The following DDAH1 variants were observed in gnomAD, a reference collection of about 807,000 sequenced individuals.
DDAH1 encodes the protein dimethylarginine dimethylaminohydrolase 1, also known as N(G),N(G)-dimethylarginine dimethylaminohydrolase 1.
Under a neutral mutation model 28.8 loss-of-function variants are expected in DDAH1, and 19 were observed. The ratio of observed to expected loss-of-function variants is 0.66; its 90% CI spans 0.46 to 0.97. The LOEUF (loss-of-function observed/expected upper bound fraction) is 0.97. DDAH1 is among the 50% of genes least tolerant of loss of function. DDAH1 has a pLI of 0.00. For synonymous variants in DDAH1, 153 were observed against 154.4 expected, an observed-to-expected ratio of 0.99 and a Z score of 0.07; for missense variants, 326 against 375.9, an observed-to-expected ratio of 0.87 and a Z score of 1.10.
chr1:85,426,132 C>T (rs1004385665), intron 1 of DDAH1, among the ~76,000 whole-genome samples: 2 of 152,116 alleles, frequency 1.3e-5, no homozygotes, highest in African/African-American at 2.4e-5. Context: ...CAGTAAAAGC[C>T]ATCATCACCA....
chr1:85,322,001 C>T (rs1452796564), intron 5 of DDAH1, among the ~76,000 whole-genome samples: 2 of 152,164 alleles, frequency 1.3e-5, no homozygotes, highest in African/African-American at 4.8e-5. Context: ...GCAGCCTCAA[C>T]TTCCCAGGCT....
At chr1:85,443,850 T>C (rs1176647486) in intron 1 of DDAH1, among the ~76,000 whole-genome samples, 1 of 152,224 alleles carries the variant, frequency 6.6e-6, no homozygotes. Flanking sequence ...CTTGTGATTT[T>C]TGCACATTGA....
Position 85,491,043 on chromosome 1 carries a change from A to ACTCTTTTTTTTTTTTTTTTTT in DDAH1, c.-7+5122_-7+5123insAAAAAAAAAAAAAAAAAAGAG, listed in dbSNP as rs1557686884. ...TCTTCTAATGACAACAGTAACATGT[A>ACTCTTTTTTTTTTTTTTTTTT]TTCTTTTTTTTTTTTTTTTTTTTGA... On this transcript the variant is annotated intron_variant, in intron 2 of 6. Coordinates refer to the DDAH1 transcript ENST00000426972. 2.9e-4 allele frequency among the ~76,000 whole-genome samples: 23 copies of ACTCTTTTTTTTTTTTTTTTTT among 79,340 alleles called. 11 individuals carry two copies. Among genetic ancestry groups the ACTCTTTTTTTTTTTTTTTTTT allele is most frequent in the Non-Finnish European group, 2.8e-4 (12 of 42,166 alleles). 52.1% of individuals were successfully genotyped at this position (79,340 alleles called of 152,430 possible).
intron 1 of DDAH1, among the ~76,000 whole-genome samples, chr1:85,551,575 C>T (rs79073958): frequency 0.074 from 11,278 of 152,280 alleles, 478 homozygotes; most frequent in East Asian, 0.16. Context: ...TCACCTACTC[C>T]GTGCTAGGGC....
At chr1:85,326,548 T>A (rs147987866) in intron 4 of DDAH1, among the ~76,000 whole-genome samples, 2 of 152,368 alleles carry the variant, frequency 1.3e-5, no homozygotes, top group African/African-American at 4.8e-5. Flanking sequence ...AAACGTTTCT[T>A]AATCATCTCA....
intron 1 of DDAH1, among the ~76,000 whole-genome samples, chr1:85,406,179 G>A (rs1652395894): frequency 6.6e-6 from 1 of 152,184 alleles, no homozygotes; most frequent in South Asian, 2.1e-4. Context: ...AACCAGGCCT[G>A]TCCAATTCCA....
intron 1 of DDAH1, among the ~76,000 whole-genome samples, chr1:85,436,388 A>G (rs1174591970): frequency 6.6e-6 from 1 of 152,220 alleles, no homozygotes; most frequent in Non-Finnish European, 1.5e-5. Context: ...AACAAGACAA[A>G]GAGAACATGG....
At chr1:85,396,106 A>G (rs943691749) in intron 1 of DDAH1, among the ~76,000 whole-genome samples, 2 of 152,148 alleles carry the variant, frequency 1.3e-5, no homozygotes, top group African/African-American at 2.4e-5. Context: ...TGGCTAAATG[A>G]GTATTATATT....
Position 85,320,497 on chromosome 1 carries a change from G to A in DDAH1, c.*955C>T, listed in dbSNP as rs1216852547. On this transcript the variant is annotated 3_prime_UTR_variant, in exon 6 of 6. Coordinates refer to ENST00000284031, the MANE Select transcript of DDAH1 (RefSeq NM_012137.4). ...GGAAATACGGTGAGTCAGGGTAGGTGGAAACAGAAATGAGTAGAAGGAAAA... is the reference window on the plus strand; with the variant it reads ...GGAAATACGGTGAGTCAGGGTAGGTAGAAACAGAAATGAGTAGAAGGAAAA... 2 of 151,668 alleles carry A rather than the reference G, an allele frequency of 1.3e-5. No individual in the cohort carries two copies. The highest frequency in any genetic ancestry group is 4.9e-5 in the African/African-American group (2 of 40,988). 9.4% of individuals were successfully genotyped at this position (151,668 alleles called of 1,614,324 possible).
intron 1 of DDAH1, among the ~76,000 whole-genome samples, chr1:85,540,563 G>C (rs554170068): frequency 6.6e-6 from 1 of 152,252 alleles, no homozygotes; most frequent in East Asian, 1.9e-4. Flanking sequence ...TCAAGACCTA[G>C]ACTATAATTC....
intron 1 of DDAH1, among the ~76,000 whole-genome samples, chr1:85,521,195 A>G (rs1209708867): frequency 5.3e-5 from 8 of 151,532 alleles, no homozygotes; most frequent in Non-Finnish European, 1.2e-4. Context: ...GCAAGACTCA[A>G]CCTATGTTCT....
intron 2 of DDAH1, among the ~76,000 whole-genome samples, chr1:85,353,461 G>A (rs960211803): frequency 2.0e-5 from 3 of 152,008 alleles, no homozygotes; most frequent in African/African-American, 4.8e-5. Context: ...GTGATGTTAC[G>A]ACAATATCCA....
At chr1:85,409,007 G>GTAA (rs1367465910) in intron 1 of DDAH1, among the ~76,000 whole-genome samples, 1 of 152,152 alleles carries the variant, frequency 6.6e-6, no homozygotes, top group Non-Finnish European at 1.5e-5. Context: ...CATTCCCACA[G>GTAA]TAACTGATAG....
Position 85,321,401 on chromosome 1 carries a change from C to A in DDAH1, c.*51G>T. On this transcript the variant is annotated 3_prime_UTR_variant, in exon 6 of 6. Coordinates refer to ENST00000284031, the MANE Select transcript of DDAH1 (RefSeq NM_012137.4). ...AAAACAACAGGAGTGGGCACAGAGT[C>A]ATCGGCCTTGCCTGTGCGGTCTTGC... The A allele has an allele frequency of 2.6e-6, 3 of 1,148,724 alleles. No homozygotes were observed. The highest frequency in any genetic ancestry group is 2.5e-5 in the South Asian group (2 of 81,290). The allele number at this position is 1,148,724 out of a possible 1,614,324, so 71.2% of individuals were successfully genotyped here. A position where few individuals can be genotyped will look rare whatever the true frequency, so the allele number is the denominator to read the frequency against.
Position 85,393,237 on chromosome 1 carries a change from T to C in DDAH1, c.304-34390A>G, listed in dbSNP as rs148394666. 2.0e-3 allele frequency among the ~76,000 whole-genome samples: 304 copies of C among 152,310 alleles called. 4 individuals carry two copies. The highest frequency in any genetic ancestry group is 0.018 in the Admixed American group (278 of 15,304). ...TAAAATACCCCTCTGAAGGAGATAT[T>C]ATTACCTCTAGTGTACAGATCAGGA... On this transcript the variant is annotated intron_variant, in intron 1 of 5. Transcript: ENST00000284031.
At chr1:85,488,430 T>G (rs562080) in intron 2 of DDAH1, 62,776 of 151,850 alleles carry the variant, frequency 0.41, 14,718 homozygotes, top group Non-Finnish European at 0.55. Context: ...TTCTGGCATC[T>G]AATCTTATAA....
Position 85,427,457 on chromosome 1 carries a change from T to G in DDAH1, c.303+37286A>C, listed in dbSNP as rs182201543. ...AGTTAAGGAACTTTGTTTAGGATTT[T>G]TATTCCAACTGGTTCATATGGTAAC... On this transcript the variant is annotated intron_variant, in intron 1 of 5. Coordinates refer to ENST00000284031, the MANE Select transcript of DDAH1 (RefSeq NM_012137.4). Among the ~76,000 whole-genome samples, 90 of 152,340 alleles carry G rather than the reference T, an allele frequency of 5.9e-4. No homozygotes were observed. The East Asian group carries it at 0.016, about 28-fold the overall frequency.
At chr1:85,442,944 A>G (rs1470016083) in intron 1 of DDAH1, among the ~76,000 whole-genome samples, 4 of 152,184 alleles carry the variant, frequency 2.6e-5, no homozygotes, top group African/African-American at 9.7e-5. Flanking sequence ...TCAGATGGGT[A>G]GATTGCAAAA....
chr1:85,357,555 A>G (rs1649552743), intron 2 of DDAH1, among the ~76,000 whole-genome samples: 1 of 152,244 alleles, frequency 6.6e-6, no homozygotes, highest in South Asian at 2.1e-4. Flanking sequence ...TTGACTATAC[A>G]TATATATGAG....
Sources: allele counts gnomAD v4.1 joint callset (sites outside exome capture counted in the v4.1 genomes callset), GRCh38; gene constraint gnomAD v4.1.1; transcripts MANE v1.5; gene names NCBI Gene and HGNC (gene_info 2026-07-23, HGNC 2026-07-21).